EPCIP: variants seen among roughly 807,000 people sequenced by gnomAD.
EPCIP encodes the protein exosomal polycystin 1 interacting protein, also known as exosomal polycystin-1-interacting protein.
the EPCIP span, among the ~76,000 whole-genome samples, chr21:32,792,818 AAC>A: frequency 6.6e-6 from 1 of 152,104 alleles, no homozygotes; most frequent in Non-Finnish European, 1.5e-5. Flanking sequence ...CACCCCAACA[AAC>A]ACAGTCTCCA....
the EPCIP span, among the ~76,000 whole-genome samples, chr21:32,805,037 C>T: frequency 0.72 from 109,441 of 152,036 alleles, 40,169 homozygotes; most frequent in East Asian, 0.91. Flanking sequence ...TCTACAGATG[C>T]TATTAAATTA....
At chr21:32,806,669 A>C in the EPCIP span, among the ~76,000 whole-genome samples, 1 of 152,338 alleles carries the variant, frequency 6.6e-6, no homozygotes, top group South Asian at 2.1e-4. Context: ...AATAGACTAA[A>C]GTGCTTAGGA....
the EPCIP span, among the ~76,000 whole-genome samples, chr21:32,793,283 C>T: frequency 6.6e-6 from 1 of 152,106 alleles, no homozygotes; most frequent in Non-Finnish European, 1.5e-5. Context: ...AGTCCCCAAA[C>T]CTCTGAAATT....
At chr21:32,809,028 G>T in the EPCIP span, among the ~76,000 whole-genome samples, 2 of 151,990 alleles carry the variant, frequency 1.3e-5, no homozygotes, top group Non-Finnish European at 2.9e-5. Flanking sequence ...AGACCTCCTG[G>T]CCACAGAGAA....
At chr21:32,809,794 ATC>A in the EPCIP span, among the ~76,000 whole-genome samples, 4 of 152,004 alleles carry the variant, frequency 2.6e-5, no homozygotes, top group South Asian at 6.2e-4. Context: ...CTGTCTTCAA[ATC>A]TCTCCTCTTT....
At chr21:32,804,597 C>A in the EPCIP span, among the ~76,000 whole-genome samples, 1 of 151,892 alleles carries the variant, frequency 6.6e-6, no homozygotes, top group Non-Finnish European at 1.5e-5. Flanking sequence ...GAGGGCATCC[C>A]AAAAGCCACC....
the EPCIP span, among the ~76,000 whole-genome samples, chr21:32,801,979 T>C: frequency 0.078 from 11,846 of 152,216 alleles, 596 homozygotes; most frequent in Non-Finnish European, 0.1. Context: ...ATAAGAGTCA[T>C]TGGCGCAGAT....
the EPCIP span, chr21:32,793,718 T>G: frequency 1.3e-6 from 2 of 1,564,766 alleles, no homozygotes; most frequent in Non-Finnish European, 1.8e-6. Flanking sequence ...TGCAAATTAT[T>G]CATCATTTGC....
At chr21:32,802,194 C>T in the EPCIP span, among the ~76,000 whole-genome samples, 10 of 152,274 alleles carry the variant, frequency 6.6e-5, no homozygotes, top group African/African-American at 1.9e-4. Flanking sequence ...AAACCCTCCC[C>T]AATAGATGTA....
the EPCIP span, among the ~76,000 whole-genome samples, chr21:32,810,840 G>A: frequency 1.3e-5 from 2 of 152,130 alleles, no homozygotes; most frequent in East Asian, 3.9e-4. Flanking sequence ...ACTCCTATGA[G>A]AAATGTTACT....
At chr21:32,793,061 G>A in the EPCIP span, among the ~76,000 whole-genome samples, 3 of 152,032 alleles carry the variant, frequency 2.0e-5, no homozygotes, top group East Asian at 5.8e-4. Context: ...CCAGGTTCAA[G>A]CGATTCTCCT....
the EPCIP span, among the ~76,000 whole-genome samples, chr21:32,796,606 A>G: frequency 1.2e-4 from 18 of 152,206 alleles, no homozygotes; most frequent in Non-Finnish European, 2.6e-4. Context: ...TTTGTCATGA[A>G]AGAAAGAGCT....
chr21:32,803,028 C>G, the EPCIP span, among the ~76,000 whole-genome samples: 1 of 152,168 alleles, frequency 6.6e-6, no homozygotes, highest in Non-Finnish European at 1.5e-5. Context: ...AGTTAGGAGC[C>G]TCTGGGTGGC....
the EPCIP span, among the ~76,000 whole-genome samples, chr21:32,805,528 A>C: frequency 6.6e-6 from 1 of 151,936 alleles, no homozygotes; most frequent in Non-Finnish European, 1.5e-5. Flanking sequence ...TACCAGGCTA[A>C]ATTTTATATT....
chr21:32,794,062 A>G, the EPCIP span: 7 of 1,614,204 alleles, frequency 4.3e-6, 1 homozygote, highest in South Asian at 6.6e-5. Context: ...TCTTCAGACC[A>G]CAAATAGCCA....
At chr21:32,811,766 C>T in the EPCIP span, among the ~76,000 whole-genome samples, 5 of 152,200 alleles carry the variant, frequency 3.3e-5, no homozygotes, top group Non-Finnish European at 7.3e-5. Context: ...GAAGTGGGAG[C>T]TTTAAGGGGT....
At chr21:32,810,258 T>G in the EPCIP span, among the ~76,000 whole-genome samples, 1 of 131,208 alleles carries the variant, frequency 7.6e-6, no homozygotes, top group East Asian at 2.2e-4. Flanking sequence ...TTTTTTTTTT[T>G]TTTTTTTTTT....
the EPCIP span, chr21:32,793,869 T>C: frequency 1.9e-6 from 3 of 1,614,112 alleles, no homozygotes; most frequent in Non-Finnish European, 2.5e-6. Flanking sequence ...TTTTCAATAC[T>C]ATATGATTTT....
the EPCIP span, among the ~76,000 whole-genome samples, chr21:32,803,691 A>T: frequency 6.6e-6 from 1 of 152,232 alleles, no homozygotes; most frequent in Non-Finnish European, 1.5e-5. Flanking sequence ...AAGCTTATGA[A>T]GTTGAAAACT....
Sources: allele counts gnomAD v4.1 joint callset (sites outside exome capture counted in the v4.1 genomes callset), GRCh38; gene constraint gnomAD v4.1.1; transcripts MANE v1.5; gene names NCBI Gene and HGNC (gene_info 2026-07-23, HGNC 2026-07-21).